KBTBD12: variants seen among roughly 807,000 people sequenced by gnomAD.
KBTBD12 encodes the protein kelch repeat and BTB domain-containing protein 12.
KBTBD12 carries 53 observed loss-of-function variants against 58.7 expected under a neutral mutation model. The ratio of observed to expected loss-of-function variants is 0.90; its 90% CI spans 0.72 to 1.14. The LOEUF (loss-of-function observed/expected upper bound fraction) is 1.14. KBTBD12 is among the 50% of genes most tolerant of loss of function. The pLI is 0.00. For missense variants in KBTBD12, 704 were observed against 751.3 expected (o/e 0.94, Z 0.74); for synonymous variants, 236 against 259.8 (o/e 0.91, Z 0.88).
chr3:127,930,270 G>A lies in KBTBD12; in HGVS notation c.1479G>A (p.Glu493=). The A allele has an allele frequency of 6.2e-7, 1 of 1,611,400 alleles. No homozygotes were observed. Among genetic ancestry groups the A allele is most frequent in the East Asian group, 2.2e-5 (1 of 44,848 alleles). ...YRFSTAVVNS[E]IYVLGGIGCV... ...TCAGTACAGCTGTAGTCAACAGTGAGATTTATGTTTTGGGTAAGAAGAAGC... is the reference window on the plus strand; with the variant it reads ...TCAGTACAGCTGTAGTCAACAGTGAAATTTATGTTTTGGGTAAGAAGAAGC... Residue 493 remains glutamate, a synonymous_variant, in exon 4 of 6, where the codon GAG becomes GAA. Transcript: ENST00000405109.
intron 4 of KBTBD12, among the ~76,000 whole-genome samples, chr3:127,949,388 T>G (rs962969722): frequency 6.6e-6 from 1 of 152,046 alleles, no homozygotes; most frequent in Non-Finnish European, 1.5e-5. Context: ...GAACTTCAAA[T>G]GCCATGCTTT....
chr3:127,931,419 A>G (rs1409402984), intron 4 of KBTBD12, among the ~76,000 whole-genome samples: 2 of 152,114 alleles, frequency 1.3e-5, no homozygotes, highest in Admixed American at 6.6e-5. Flanking sequence ...TTATAACCAT[A>G]TACTATGTCA....
At chr3:127,973,930 C>T (rs958331822) in intron 5 of KBTBD12, among the ~76,000 whole-genome samples, 3 of 152,102 alleles carry the variant, frequency 2.0e-5, no homozygotes, top group African/African-American at 7.2e-5. Context: ...ATCCCCGTGC[C>T]CCCCAGCCAC....
Position 127,923,854 on chromosome 3 carries a change from C to G in KBTBD12, c.793C>G (p.Leu265Val). ...KAIKTPQQHS[L>V]NLRYGMETTS... The stretch of plus-strand genomic sequence containing the variant: ...CATCAAGACACCCCAACAGCACTCT[C>G]TAAATCTGCGCTATGGTATGGAGAC... The change falls in exon 2 of 6, where the codon CTA (leucine) becomes GTA (valine). Residue 265 changes from leucine (L) to valine (V), a missense_variant. Physicochemically the swap from Leu to Val is conservative, Grantham distance 32 (BLOSUM62 1). Coordinates refer to ENST00000405109, the MANE Select transcript of KBTBD12 (RefSeq NM_207335.4). The G allele has an allele frequency of 1.9e-6, 3 of 1,613,938 alleles. No homozygotes were observed. Among genetic ancestry groups the G allele is most frequent in the South Asian group, 1.1e-5 (1 of 91,074 alleles).
intron 3 of KBTBD12, among the ~76,000 whole-genome samples, chr3:127,929,243 G>A (rs1204996892): frequency 1.3e-5 from 2 of 152,194 alleles, no homozygotes; most frequent in African/African-American, 4.8e-5. Context: ...TGAGTACCTT[G>A]TATAACAATT....
chr3:127,982,089 C>A (rs991229345), intron 5 of KBTBD12, among the ~76,000 whole-genome samples: 1 of 152,298 alleles, frequency 6.6e-6, no homozygotes, highest in Non-Finnish European at 1.5e-5. Context: ...TCCAGGCTGG[C>A]CTCTATAGAC....
chr3:127,942,530 CTTTA>C (rs1249061911), intron 4 of KBTBD12, among the ~76,000 whole-genome samples: 1 of 151,600 alleles, frequency 6.6e-6, no homozygotes, highest in Non-Finnish European at 1.5e-5. Flanking sequence ...TATTCCATTT[CTTTA>C]TTCAGTCATC....
intron 1 of KBTBD12, among the ~76,000 whole-genome samples, chr3:127,920,697 C>A (rs1408997804): frequency 6.6e-6 from 1 of 151,892 alleles, no homozygotes; most frequent in Non-Finnish European, 1.5e-5. Flanking sequence ...ACTTTTTTTG[C>A]ACCACATTAA....
chr3:127,962,442 C>T (rs1439067707), intron 4 of KBTBD12, among the ~76,000 whole-genome samples: 1 of 152,218 alleles, frequency 6.6e-6, no homozygotes, highest in Non-Finnish European at 1.5e-5. Context: ...CTAAATCTCA[C>T]TTTTATCTCT....
At chr3:127,974,628 C>T (rs1193751345) in intron 5 of KBTBD12, among the ~76,000 whole-genome samples, 2 of 152,224 alleles carry the variant, frequency 1.3e-5, no homozygotes, top group East Asian at 3.8e-4. Flanking sequence ...CTGTTCCATA[C>T]ATCTGACCTG....
Position 127,917,077 on chromosome 3 carries a change from G to T in KBTBD12, c.-113+1491G>T, listed in dbSNP as rs112455394. Among the ~76,000 whole-genome samples the T allele has an allele frequency of 7.9e-4, 121 of 152,306 alleles. 1 individual carries two copies. The highest frequency in any genetic ancestry group is 2.8e-3 in the African/African-American group (118 of 41,562). Reference sequence around the variant, plus strand: ...CTCCCCATCAGCAACCAATCACTTAGTTCTGCAGCAGACAGCAGCTTGGGT... The same window carrying T: ...CTCCCCATCAGCAACCAATCACTTATTTCTGCAGCAGACAGCAGCTTGGGT... On this transcript the variant is annotated intron_variant, in intron 1 of 5. Coordinates refer to ENST00000405109, the MANE Select transcript of KBTBD12 (RefSeq NM_207335.4).
intron 5 of KBTBD12, chr3:127,963,738 T>C (rs1940502643): frequency 5.3e-6 from 1 of 187,906 alleles, no homozygotes; most frequent in Non-Finnish European, 1.1e-5. Context: ...TAGCACATAG[T>C]AGACACTCAC....
At chr3:127,921,190 A>G (rs1053515573) in intron 1 of KBTBD12, among the ~76,000 whole-genome samples, 1 of 152,154 alleles carries the variant, frequency 6.6e-6, no homozygotes, top group Admixed American at 6.5e-5. Flanking sequence ...TCTCAAAATG[A>G]ACTTCAGGTG....
chr3:127,948,513 T>C (rs560165553), intron 4 of KBTBD12, among the ~76,000 whole-genome samples: 1 of 152,384 alleles, frequency 6.6e-6, no homozygotes, highest in Admixed American at 6.5e-5. Flanking sequence ...GTTCACATTA[T>C]GTAAGCATAT....
chr3:127,958,122 T>C (rs554139766), intron 4 of KBTBD12, among the ~76,000 whole-genome samples: 1 of 151,788 alleles, frequency 6.6e-6, no homozygotes, highest in Non-Finnish European at 1.5e-5. Context: ...GCAGGGGCGG[T>C]GCAGGAGGGA....
chr3:127,928,744 A>G (rs927772611), intron 3 of KBTBD12, among the ~76,000 whole-genome samples: 1 of 152,178 alleles, frequency 6.6e-6, no homozygotes, highest in Admixed American at 6.5e-5. Context: ...AATTAATCTC[A>G]CTAGCTCATT....
chr3:127,966,288 G>T (rs1039926690), intron 5 of KBTBD12, among the ~76,000 whole-genome samples: 2 of 152,148 alleles, frequency 1.3e-5, no homozygotes, highest in Non-Finnish European at 2.9e-5. Flanking sequence ...AGATTACCCT[G>T]CAGAGAATCT....
At position 127,986,515 on chromosome 3, in the gene KBTBD12, C is replaced by G. The variant is rs973415398; in HGVS notation, c.*2237C>G. On this transcript the variant is annotated 3_prime_UTR_variant, in exon 6 of 6. Coordinates refer to ENST00000405109, the MANE Select transcript of KBTBD12 (RefSeq NM_207335.4). ...TTTTTTTTTTTTTGAGACGGAGTCT[C>G]TCTCTCTCGCCAGGCTGGAGTGCAG... The G allele has an allele frequency of 1.2e-4, 17 of 145,934 alleles. No homozygotes were observed. The highest frequency in any genetic ancestry group is 4.4e-4 in the African/African-American group (17 of 38,822). 9.0% of individuals were successfully genotyped at this position (145,934 alleles called of 1,614,324 possible).
At chr3:127,942,719 T>TAA (rs1005523662) in intron 4 of KBTBD12, among the ~76,000 whole-genome samples, 36 of 148,268 alleles carry the variant, frequency 2.4e-4, no homozygotes, top group Admixed American at 2.2e-3. Flanking sequence ...TATATATATA[T>TAA]AACTATAGTC....
Sources: gnomAD v4.1 joint callset for allele counts (sites outside exome capture counted in the v4.1 genomes callset) on GRCh38, gnomAD v4.1.1 for gene constraint, MANE v1.5 for transcripts, NCBI Gene and HGNC (gene_info 2026-07-23, HGNC 2026-07-21) for gene names.